The following NDST3 variants were observed in gnomAD, a reference collection of about 807,000 sequenced individuals.
NDST3 encodes the protein N-deacetylase and N-sulfotransferase 3.
A neutral mutation model predicts 96.1 loss-of-function variants in NDST3; 58 were observed. The observed-to-expected ratio is 0.60, with a 90% CI of 0.49 to 0.75. NDST3 has a LOEUF of 0.75. Ranked by LOEUF, NDST3 falls within the 30% of genes least tolerant of loss-of-function variation. The probability of loss-of-function intolerance (pLI) is 0.00; values close to 1 mark genes in which losing one functional copy is unlikely to be tolerated. For synonymous variants in NDST3, 333 were observed against 359.7 expected, an observed-to-expected ratio of 0.93 and a Z score of 0.84; for missense variants, 788 against 1,034.2, an observed-to-expected ratio of 0.76 and a Z score of 3.27.
At chr4:118,041,244 T>C (rs998237302) in intron 1 of NDST3, among the ~76,000 whole-genome samples, 10 of 152,146 alleles carry the variant, frequency 6.6e-5, no homozygotes. Flanking sequence ...GAGTTCATAT[T>C]TCAGTTCTAC....
At chr4:118,159,340 T>G (rs1456067709) in intron 6 of NDST3, among the ~76,000 whole-genome samples, 1 of 152,174 alleles carries the variant, frequency 6.6e-6, no homozygotes, top group African/African-American at 2.4e-5. Context: ...AATCAACCAG[T>G]AAATCCCTCT....
At chr4:118,243,188 AGATC>A (rs900231296) in intron 12 of NDST3, among the ~76,000 whole-genome samples, 1 of 152,106 alleles carries the variant, frequency 6.6e-6, no homozygotes, top group Non-Finnish European at 1.5e-5. Context: ...TCAGTTCCAC[AGATC>A]GAGTAGTTTT....
intron 6 of NDST3, among the ~76,000 whole-genome samples, chr4:118,171,711 C>T (rs1735964362): frequency 6.6e-6 from 1 of 152,184 alleles, no homozygotes; most frequent in Admixed American, 6.5e-5. Flanking sequence ...GTCCGTCCTT[C>T]TGAAGGTCAT....
intron 2 of NDST3, among the ~76,000 whole-genome samples, chr4:118,064,557 A>T (rs1337212940): frequency 6.6e-6 from 1 of 152,082 alleles, no homozygotes; most frequent in Non-Finnish European, 1.5e-5. Flanking sequence ...TAAAATTAAA[A>T]TTTACCTATA....
intron 6 of NDST3, among the ~76,000 whole-genome samples, chr4:118,174,736 C>T (rs28682376): frequency 6.6e-6 from 1 of 152,076 alleles, no homozygotes; most frequent in East Asian, 1.9e-4. Flanking sequence ...TAATTTTTTA[C>T]TTCTCCTTGA....
At chr4:118,220,395 T>C (rs577230976) in intron 6 of NDST3, among the ~76,000 whole-genome samples, 1 of 151,706 alleles carries the variant, frequency 6.6e-6, no homozygotes, top group East Asian at 1.9e-4. Flanking sequence ...AAGAGGTAGT[T>C]GAACAATGAG....
chr4:118,067,384 C>T (rs1726678917), intron 2 of NDST3, among the ~76,000 whole-genome samples: 2 of 152,024 alleles, frequency 1.3e-5, no homozygotes, highest in Non-Finnish European at 2.9e-5. Context: ...AAAATACTTT[C>T]CCAGTCTATG....
intron 6 of NDST3, among the ~76,000 whole-genome samples, chr4:118,174,308 A>C (rs1247504932): frequency 6.6e-6 from 1 of 152,192 alleles, no homozygotes; most frequent in Non-Finnish European, 1.5e-5. Context: ...CATTAAAAAG[A>C]AAAATAAAAA....
chr4:118,231,937 C>T (rs956980747), intron 8 of NDST3, among the ~76,000 whole-genome samples: 2 of 152,156 alleles, frequency 1.3e-5, no homozygotes, highest in African/African-American at 2.4e-5. Flanking sequence ...TGAAAAATCA[C>T]ACCCTTGCTC....
At chr4:118,059,659 G>A (rs2110463334) in intron 2 of NDST3, among the ~76,000 whole-genome samples, 1 of 151,038 alleles carries the variant, frequency 6.6e-6, no homozygotes. Flanking sequence ...GCTAAGGGAA[G>A]CCAGAGGCTT....
chr4:118,066,114 T>TATATATTATATATATTATATA (rs1726313345), intron 2 of NDST3, among the ~76,000 whole-genome samples: 1 of 76,950 alleles, frequency 1.3e-5, no homozygotes, highest in African/African-American at 5.1e-5. Context: ...TAATATATTT[T>TATATATTATATATATTATATA]ATATATTATA....
chr4:118,190,944 T>C (rs1266611457), intron 6 of NDST3, among the ~76,000 whole-genome samples: 1 of 152,252 alleles, frequency 6.6e-6, no homozygotes, highest in African/African-American at 2.4e-5. Flanking sequence ...ATAATACATA[T>C]AGACCTACAA....
intron 6 of NDST3, among the ~76,000 whole-genome samples, chr4:118,200,042 T>C (rs1737964820): frequency 6.6e-6 from 1 of 152,132 alleles, no homozygotes; most frequent in African/African-American, 2.4e-5. Flanking sequence ...TAACCACTCT[T>C]TGGCTACCAG....
chr4:118,128,074 T>C lies in NDST3; in HGVS notation c.1225-9980T>C, dbSNP rs551779860. 6.7e-4 allele frequency among the ~76,000 whole-genome samples: 102 copies of C among 152,226 alleles called. 1 individual carries two copies. The highest frequency in any genetic ancestry group is 2.4e-3 in the African/African-American group (101 of 41,576). Reference sequence around the variant, plus strand: ...TACTGAATTTGTTTATCAGTTCTAATAGTTTTTTGGTGGAGTCTTTAGGTT... The same window carrying C: ...TACTGAATTTGTTTATCAGTTCTAACAGTTTTTTGGTGGAGTCTTTAGGTT... On this transcript the variant is annotated intron_variant, in intron 4 of 13. Coordinates refer to ENST00000296499, the MANE Select transcript of NDST3 (RefSeq NM_004784.3).
intron 2 of NDST3, among the ~76,000 whole-genome samples, chr4:118,074,635 C>T (rs532032644): frequency 2.6e-5 from 4 of 152,280 alleles, no homozygotes; most frequent in African/African-American, 9.6e-5. Context: ...ATGGGTGTCA[C>T]TGCATGTGAG....
At chr4:118,150,322 A>G (rs1369373821) in intron 6 of NDST3, among the ~76,000 whole-genome samples, 2 of 152,202 alleles carry the variant, frequency 1.3e-5, no homozygotes, top group Non-Finnish European at 2.9e-5. Context: ...GGACATAAGC[A>G]CGGGCAAGGA....
intron 2 of NDST3, among the ~76,000 whole-genome samples, chr4:118,095,574 G>A (rs1368830491): frequency 6.7e-6 from 1 of 149,940 alleles, no homozygotes; most frequent in African/African-American, 2.4e-5. Context: ...TGTGGTTGTT[G>A]ATGCAGGTGA....
chr4:118,172,219 C>A (rs1735996600), intron 6 of NDST3, among the ~76,000 whole-genome samples: 2 of 152,178 alleles, frequency 1.3e-5, no homozygotes, highest in Non-Finnish European at 2.9e-5. Context: ...ACCAGGGAGG[C>A]TTGGCCAGGT....
chr4:118,171,318 C>T (rs1735936130), intron 6 of NDST3, among the ~76,000 whole-genome samples: 1 of 152,104 alleles, frequency 6.6e-6, no homozygotes, highest in Non-Finnish European at 1.5e-5. Flanking sequence ...TTAAAAAGGT[C>T]CCAGTTACAC....
Sources: gnomAD v4.1 joint callset for allele counts (sites outside exome capture counted in the v4.1 genomes callset) on GRCh38, gnomAD v4.1.1 for gene constraint, MANE v1.5 for transcripts, NCBI Gene and HGNC (gene_info 2026-07-23, HGNC 2026-07-21) for gene names.